The following BIRC6 variants were observed in gnomAD, a reference collection of about 807,000 sequenced individuals.
BIRC6 encodes baculoviral IAP repeat containing 6.
Under a neutral mutation model 503.3 loss-of-function variants are expected in BIRC6, and 98 were observed. That is an observed-to-expected ratio of 0.19 (90% confidence interval 0.17 to 0.23). BIRC6 has a LOEUF of 0.23. Among genes scored for constraint, BIRC6 ranks in the 10% least tolerant of loss-of-function variants. BIRC6 has a pLI of 1.00. For missense variants in BIRC6, 5,360 were observed against 5,806.0 expected, an observed-to-expected ratio of 0.92 and a Z score of 2.50; for synonymous variants, 2,240 against 2,078.7, an observed-to-expected ratio of 1.08 and a Z score of -2.11.
At chr2:32,612,189 T>C (rs2062924913) in intron 73 of BIRC6, among the ~76,000 whole-genome samples, 1 of 152,226 alleles carries the variant, frequency 6.6e-6, no homozygotes, top group Admixed American at 6.5e-5. Context: ...TTTTATTCCC[T>C]TAGTCTTTCC....
chr2:32,396,436 G>A (rs1199328652), intron 6 of BIRC6, among the ~76,000 whole-genome samples: 1 of 152,194 alleles, frequency 6.6e-6, no homozygotes, highest in African/African-American at 2.4e-5. Context: ...CAGCTGATGT[G>A]CATGGGGCAA....
In BIRC6 at chr2:32,571,496, A is replaced by G. The variant is rs1298613115; in HGVS notation, c.13145-3660A>G. Among the ~76,000 whole-genome samples the G allele has an allele frequency of 2.8e-5, 4 of 144,218 alleles. No individual in the cohort carries two copies. In the East Asian group the frequency reaches 6.4e-4, roughly 23 times the overall value. The allele number at this position is 144,218 out of a possible 152,430, so 94.6% of individuals were successfully genotyped here. A position where few individuals can be genotyped will look rare whatever the true frequency, so the allele number is the denominator to read the frequency against. On this transcript the variant is annotated intron_variant, in intron 65 of 73. Transcript: ENST00000421745. ...TTCTTGTTCAATCTCAGGAGGTTGTATGTTTCCAGGAATTTACTTGTTTCC... is the reference window on the plus strand; with the variant it reads ...TTCTTGTTCAATCTCAGGAGGTTGTGTGTTTCCAGGAATTTACTTGTTTCC...
intron 9 of BIRC6, among the ~76,000 whole-genome samples, chr2:32,413,472 G>A (rs1007393319): frequency 6.6e-6 from 1 of 151,782 alleles, no homozygotes; most frequent in African/African-American, 2.4e-5. Context: ...GAGCCATCGC[G>A]CCCAGCCTCT....
chr2:32,479,308 C>T (rs1406014008), intron 36 of BIRC6, among the ~76,000 whole-genome samples, 154 bp from the exon 37 acceptor site: 4 of 152,170 alleles, frequency 2.6e-5, no homozygotes, highest in Non-Finnish European at 5.9e-5. Flanking sequence ...TCCTAGCATT[C>T]CTTACGGGGG....
chr2:32,553,699 G>A (rs540057306), intron 65 of BIRC6, among the ~76,000 whole-genome samples: 1 of 151,958 alleles, frequency 6.6e-6, no homozygotes, highest in Non-Finnish European at 1.5e-5. Context: ...GCCTGTAAAT[G>A]AATGGAGACT....
Position 32,518,384 on chromosome 2 carries a change from A to G in BIRC6, c.11480A>G (p.Gln3827Arg). 1 of 1,609,062 alleles carries G rather than the reference A, an allele frequency of 6.2e-7. No individual in the cohort carries two copies. The highest frequency in any genetic ancestry group is 8.5e-7 in the Non-Finnish European group (1 of 1,178,802). Reference sequence around the variant, plus strand: ...GATGAGAAAGTGACAATGTTTCTTCAGTCTCCATGTCCAGTGAGTATTTAA... The same window carrying G: ...GATGAGAAAGTGACAATGTTTCTTCGGTCTCCATGTCCAGTGAGTATTTAA... ...LEDEKVTMFL[Q>R]SPCPLYKGRI... Residue 3827 changes from glutamine (Q) to arginine (R), a missense_variant, in exon 56 of 74, where the codon CAG becomes CGG. Physicochemically the swap from Gln to Arg is conservative, Grantham distance 43. This residue lies in a region of BIRC6 where 878 missense variants were observed against 928.9 expected (regional missense o/e 0.95). Transcript: ENST00000421745.
intron 71 of BIRC6, among the ~76,000 whole-genome samples, chr2:32,604,839 G>A (rs148336982): frequency 3.2e-4 from 49 of 151,854 alleles, no homozygotes; most frequent in African/African-American, 9.9e-4. Context: ...CTGGTACTAA[G>A]CGTAGTATGC....
intron 65 of BIRC6, chr2:32,564,069 ACT>A (rs761398839): frequency 6.6e-6 from 1 of 151,264 alleles, no homozygotes; most frequent in African/African-American, 2.5e-5. Flanking sequence ...CAAGAGTGAA[ACT>A]CTGTCTCAAA....
chr2:32,363,072 T>G (rs2034364292), intron 1 of BIRC6, among the ~76,000 whole-genome samples: 1 of 152,204 alleles, frequency 6.6e-6, no homozygotes, highest in Non-Finnish European at 1.5e-5. Context: ...GGCTCATGCC[T>G]GGGGTCCCAG....
intron 49 of BIRC6, among the ~76,000 whole-genome samples, chr2:32,503,959 C>A (rs1426395149): frequency 7.1e-6 from 1 of 140,070 alleles, no homozygotes; most frequent in African/African-American, 2.7e-5. Flanking sequence ...TCAGGCAATT[C>A]TCATGCCTCA....
rs868438481 is a variant in BIRC6, at chr2:32,435,712, C to G, written c.3499+127C>G. ...TTCAAGAACACAATTAAAAAATAAC[C>G]TATAATTCTGCTTTGGCAATATGCT... On this transcript the variant is annotated intron_variant, in intron 14 of 73. Transcript: ENST00000421745. 5.0e-6 allele frequency: 5 copies of G among 1,009,176 alleles called. No individual in the cohort carries two copies. The African/African-American group carries it at 8.3e-5, about 17-fold the overall frequency. 62.5% of individuals were successfully genotyped at this position (1,009,176 alleles called of 1,614,324 possible). A position where few individuals can be genotyped will look rare whatever the true frequency, so the allele number is the denominator to read the frequency against.
chr2:32,440,934 AT>A (rs1175630907), intron 16 of BIRC6, among the ~76,000 whole-genome samples: 2 of 151,666 alleles, frequency 1.3e-5, no homozygotes, highest in Non-Finnish European at 2.9e-5. Context: ...TAACTTTTGT[AT>A]TTTTTGGTAG....
intron 10 of BIRC6, among the ~76,000 whole-genome samples, chr2:32,421,880 G>C (rs2042987097): frequency 6.6e-6 from 1 of 152,180 alleles, no homozygotes; most frequent in Admixed American, 6.5e-5. Context: ...AAGTCTTCCT[G>C]ATTTTATATT....
At chr2:32,481,199 G>GT (rs533082288) in intron 37 of BIRC6, 121 bp from the exon 38 acceptor site, 83,260 of 648,314 alleles carry the variant, frequency 0.13, no homozygotes, top group East Asian at 0.16. Context: ...CATACATAGA[G>GT]TTTTTTTTTT....
intron 23 of BIRC6, among the ~76,000 whole-genome samples, chr2:32,461,073 C>CTCTTCTCTTCTCTTCTCT (rs1558790099): frequency 4.5e-4 from 2 of 4,462 alleles, no homozygotes; most frequent in African/African-American, 5.9e-4. Flanking sequence ...TTCTGTTCTC[C>CTCTTCTCTTCTCTTCTCT]TCTCCTCTCC....
rs758862356 is a variant in BIRC6, at chr2:32,513,146, G to C, written c.10560G>C (p.Glu3520Asp). The change falls in exon 54 of 74, where the codon GAG becomes GAC. Residue 3520 changes from glutamate (E) to aspartate (D), a missense_variant. Transcript: ENST00000421745. ...ACTTACCAGCACTCCTGGACCAAGAGCTCTTTGAGTAAGTATGATTTGTGA... is the reference window on the plus strand; with the variant it reads ...ACTTACCAGCACTCCTGGACCAAGACCTCTTTGAGTAAGTATGATTTGTGA... ...EYDLPALLDQ[E>D]LFELLFNWSM... 6.2e-7 allele frequency: 1 copy of C among 1,612,376 alleles called. No individual in the cohort carries two copies. Among genetic ancestry groups the C allele is most frequent in the Non-Finnish European group, 8.5e-7 (1 of 1,178,806 alleles).
chr2:32,594,999 GTA>G (rs1250241032), intron 67 of BIRC6, 33 bp from the exon 68 acceptor site: 2 of 1,246,946 alleles, frequency 1.6e-6, no homozygotes, highest in East Asian at 2.6e-5. Context: ...TACTTAAAAT[GTA>G]TATGTTATTT....
At chr2:32,469,937 G>A (rs1010821125) in intron 30 of BIRC6, among the ~76,000 whole-genome samples, 4 of 152,084 alleles carry the variant, frequency 2.6e-5, no homozygotes, top group African/African-American at 9.7e-5. Context: ...TTCACTAAGT[G>A]CTTGATTTCT....
chr2:32,550,301 G>A (rs2058340839), intron 65 of BIRC6, among the ~76,000 whole-genome samples: 1 of 152,188 alleles, frequency 6.6e-6, no homozygotes, highest in Non-Finnish European at 1.5e-5. Context: ...TAGCAGCTAA[G>A]TGACACAGTT....
Sources: gnomAD v4.1 joint callset for allele counts (sites outside exome capture counted in the v4.1 genomes callset) on GRCh38, gnomAD v4.1.1 for gene constraint, gnomAD v4.1.1 regional missense constraint, MANE v1.5 for transcripts, NCBI Gene and HGNC (gene_info 2026-07-23, HGNC 2026-07-21) for gene names.